KATNAL1: variants seen among roughly 807,000 people sequenced by gnomAD.
The protein encoded by KATNAL1 is katanin p60 ATPase-containing subunit A-like 1.
Under a neutral mutation model 55.2 loss-of-function variants are expected in KATNAL1, and 32 were observed. That is an observed-to-expected ratio of 0.58 (90% confidence interval 0.44 to 0.78). The LOEUF (loss-of-function observed/expected upper bound fraction) is 0.78, where lower values mean the gene tolerates loss of function less well. KATNAL1 is among the 30% of genes least tolerant of loss of function. The pLI is 0.00. For missense variants in KATNAL1, 466 were observed against 600.9 expected (o/e 0.78, Z 2.35); for synonymous variants, 193 against 193.6 (o/e 1.00, Z 0.02).
At chr13:30,217,094 A>G (rs763589236) in intron 9 of KATNAL1, among the ~76,000 whole-genome samples, 10 of 152,186 alleles carry the variant, frequency 6.6e-5, no homozygotes, top group Non-Finnish European at 1.2e-4. Flanking sequence ...GTGGGGAACA[A>G]GTAACTTAAA....
intron 2 of KATNAL1, among the ~76,000 whole-genome samples, chr13:30,281,220 A>G (rs1054835246): frequency 1.3e-5 from 2 of 151,612 alleles, no homozygotes; most frequent in Admixed American, 6.6e-5. Context: ...ACTGTAAAGC[A>G]GAGTATAAGA....
At chr13:30,225,206 C>G (rs1875328955) in intron 9 of KATNAL1, among the ~76,000 whole-genome samples, 1 of 152,056 alleles carries the variant, frequency 6.6e-6, no homozygotes, top group African/African-American at 2.4e-5. Flanking sequence ...TGGATTCCAC[C>G]CCCACAGGTA....
At chr13:30,227,644 G>A (rs992948114) in intron 8 of KATNAL1, 98 bp from the exon 9 acceptor site, 5 of 1,324,680 alleles carry the variant, frequency 3.8e-6, no homozygotes, top group African/African-American at 2.9e-5. Flanking sequence ...CAGAATCAAC[G>A]ATAAAGAAAG....
chr13:30,259,521 T>G (rs1879078440), intron 3 of KATNAL1, among the ~76,000 whole-genome samples: 1 of 152,114 alleles, frequency 6.6e-6, no homozygotes. Flanking sequence ...GTGCGCACCG[T>G]GCACGAGCCG....
At chr13:30,230,708 A>C in intron 7 of KATNAL1, 114 bp from the exon 8 acceptor site, 3 of 749,636 alleles carry the variant, frequency 4.0e-6, no homozygotes, top group Non-Finnish European at 6.3e-6. Flanking sequence ...CACTGTTTTA[A>C]TGCCATCATC....
At chr13:30,274,633 G>A (rs940352787) in intron 3 of KATNAL1, among the ~76,000 whole-genome samples, 2 of 151,996 alleles carry the variant, frequency 1.3e-5, no homozygotes, top group South Asian at 4.1e-4. Context: ...GAATAAATTG[G>A]TACTACATAT....
chr13:30,236,902 TTTC>T (rs1168083100), intron 6 of KATNAL1, among the ~76,000 whole-genome samples: 1 of 152,224 alleles, frequency 6.6e-6, no homozygotes, highest in African/African-American at 2.4e-5. Flanking sequence ...CCTTAGAGCC[TTTC>T]TTCATCACAT....
intron 1 of KATNAL1, among the ~76,000 whole-genome samples, chr13:30,286,716 T>C (rs1881812927): frequency 6.6e-6 from 1 of 152,086 alleles, no homozygotes; most frequent in African/African-American, 2.4e-5. Flanking sequence ...GAATGGTAGA[T>C]CCACTGACAG....
rs191126241 is a variant in KATNAL1 at position 30,291,719 on chromosome 13, G to C, written c.-14-7928C>G. Among the ~76,000 whole-genome samples, 51 of 152,266 alleles carry C rather than the reference G, an allele frequency of 3.3e-4. 1 individual carries two copies. Among genetic ancestry groups the C allele is most frequent in the African/African-American group, 1.2e-3 (48 of 41,564 alleles). Reference sequence around the variant, plus strand: ...TGTTGGGGGTGGATGTCTACTACATGATTTTAAAATTTACTATAAAGTTAC... The same window carrying C: ...TGTTGGGGGTGGATGTCTACTACATCATTTTAAAATTTACTATAAAGTTAC... On this transcript the variant is annotated intron_variant, in intron 1 of 10. Coordinates refer to ENST00000380615, the MANE Select transcript of KATNAL1 (RefSeq NM_032116.5).
intron 3 of KATNAL1, among the ~76,000 whole-genome samples, chr13:30,277,183 A>G (rs959653522): frequency 3.3e-5 from 5 of 152,208 alleles, no homozygotes; most frequent in African/African-American, 4.8e-5. Context: ...AAATAAAATG[A>G]CTTGTTTTAT....
At chr13:30,253,373 T>C (rs1005967967) in intron 4 of KATNAL1, among the ~76,000 whole-genome samples, 1 of 152,138 alleles carries the variant, frequency 6.6e-6, no homozygotes, top group African/African-American at 2.4e-5. Flanking sequence ...TACTTACATG[T>C]CAATGAAAGA....
At position 30,227,547 on chromosome 13, in the gene KATNAL1, C is replaced by T; in HGVS notation, c.1013-1G>A. 2 of 1,612,824 alleles carry T rather than the reference C, an allele frequency of 1.2e-6. No individual in the cohort carries two copies. The highest frequency in any genetic ancestry group is 1.7e-6 in the Non-Finnish European group (2 of 1,179,202). ...TCATTTTCTAAAGCTCCTCCAACTC[C>T]TATACACAGTAAGGGAGGAAAAGAT... is the stretch of plus-strand genomic sequence containing the variant. On this transcript the variant is annotated splice_acceptor_variant, in intron 8 of 10. Transcript: ENST00000380615. LOFTEE classifies it high-confidence loss of function.
intron 7 of KATNAL1, among the ~76,000 whole-genome samples, chr13:30,230,848 T>C (rs78876989): frequency 0.019 from 2,852 of 152,330 alleles, 37 homozygotes; most frequent in Non-Finnish European, 0.031. Flanking sequence ...TCTACTTTCA[T>C]ATCTGGAAAT....
intron 1 of KATNAL1, among the ~76,000 whole-genome samples, chr13:30,285,296 C>G (rs904393518): frequency 6.7e-6 from 1 of 148,994 alleles, no homozygotes; most frequent in Non-Finnish European, 1.5e-5. Context: ...TGTGTCCCCA[C>G]CCAAATCTCA....
At position 30,269,475 on chromosome 13, in the gene KATNAL1, T is replaced by C. The variant is rs370235632; in HGVS notation, c.323+10588A>G. On this transcript the variant is annotated intron_variant, in intron 3 of 10. Transcript: ENST00000380615. Reference sequence around the variant, plus strand: ...GCCACCCAAAGTGCCGAGATTGCAGTCTCTGCCCGGCCGCCACCCCGTCTA... The same window carrying C: ...GCCACCCAAAGTGCCGAGATTGCAGCCTCTGCCCGGCCGCCACCCCGTCTA... Among the ~76,000 whole-genome samples, 5 of 152,222 alleles carry C rather than the reference T, an allele frequency of 3.3e-5. No individual in the cohort carries two copies. The East Asian group carries it at 9.7e-4, about 29-fold the overall frequency.
chr13:30,294,074 G>A (rs1331906560), intron 1 of KATNAL1, among the ~76,000 whole-genome samples: 2 of 152,048 alleles, frequency 1.3e-5, no homozygotes, highest in East Asian at 1.9e-4. Flanking sequence ...TCTTCTCCTC[G>A]GGCCTCCTTT....
intron 9 of KATNAL1, among the ~76,000 whole-genome samples, chr13:30,225,742 A>T (rs1397781304): frequency 6.6e-6 from 1 of 152,050 alleles, no homozygotes; most frequent in East Asian, 1.9e-4. Flanking sequence ...AAAACAGGAG[A>T]AAAACTTTGC....
chr13:30,232,617 C>T (rs940253635), intron 6 of KATNAL1, among the ~76,000 whole-genome samples: 15 of 152,202 alleles, frequency 9.9e-5, no homozygotes, highest in African/African-American at 3.6e-4. Flanking sequence ...TTTTTCCATG[C>T]TCTCTGAGAG....
In KATNAL1 at chr13:30,240,581, A is replaced by G; in HGVS notation, c.621-16T>C. ...TATGTCATCCCTTTGAAAGAACAGC[A>G]AACTTTCATAATGTTTACTCAGGGA... is the stretch of plus-strand genomic sequence containing the variant. On this transcript the variant is annotated splice_polypyrimidine_tract_variant and intron_variant, in intron 5 of 10. Coordinates refer to ENST00000380615, the MANE Select transcript of KATNAL1 (RefSeq NM_032116.5). 6.6e-7 allele frequency: 1 copy of G among 1,526,132 alleles called. No individual in the cohort carries two copies. The highest frequency in any genetic ancestry group is 9.1e-7 in the Non-Finnish European group (1 of 1,101,206). The allele number at this position is 1,526,132 out of a possible 1,614,324, so 94.5% of individuals were successfully genotyped here. A position where few individuals can be genotyped will look rare whatever the true frequency, so the allele number is the denominator to read the frequency against.
Sources: gnomAD v4.1 joint callset for allele counts (sites outside exome capture counted in the v4.1 genomes callset) on GRCh38, gnomAD v4.1.1 for gene constraint, MANE v1.5 for transcripts, NCBI Gene and HGNC (gene_info 2026-07-23, HGNC 2026-07-21) for gene names.